Variants in CACNA1I observed in about 807,000 individuals in gnomAD.
CACNA1I encodes calcium voltage-gated channel subunit alpha1 I, also known as voltage-dependent T-type calcium channel subunit alpha-1I.
In CACNA1I, 74 loss-of-function variants were observed where a neutral mutation model predicts 201.6. The observed-to-expected ratio is 0.37, with a 90% CI of 0.30 to 0.45. The LOEUF (loss-of-function observed/expected upper bound fraction) is 0.45. CACNA1I is among the 20% of genes least tolerant of loss of function. CACNA1I has a pLI of 1.00. For synonymous variants in CACNA1I, 1,431 were observed against 1,345.2 expected (o/e 1.06, Z -1.40); for missense variants, 2,346 against 3,138.1 (o/e 0.75, Z 6.03).
intron 5 of CACNA1I, 66 bp from the exon 6 acceptor site, chr22:39,640,801 C>G: frequency 7.3e-7 from 1 of 1,368,116 alleles, no homozygotes; most frequent in African/African-American, 1.4e-5. Context: ...TGGCCTCTCC[C>G]TTCCTGATCC....
chr22:39,574,897 G>A (rs999249921), intron 1 of CACNA1I, among the ~76,000 whole-genome samples: 5 of 152,198 alleles, frequency 3.3e-5, no homozygotes, highest in Admixed American at 6.5e-5. Context: ...GTGCTGAGGG[G>A]CCCTGGCCCA....
chr22:39,641,152 C>T lies in CACNA1I; in HGVS notation c.1026C>T (p.Asn342=). The change falls in exon 6 of 37, where the codon AAC becomes AAT. Residue 342 remains asparagine (N), a synonymous_variant. Transcript: ENST00000402142. The stretch of plus-strand genomic sequence containing the variant: ...ACAAGGGTGCCATCAACTTTGACAA[C>T]ATCGGTTATGCTTGGATTGTCATCT... ...NPHKGAINFD[N]IGYAWIVIFQ... The T allele has an allele frequency of 6.2e-7, 1 of 1,613,758 alleles. No individual in the cohort carries two copies. The highest frequency in any genetic ancestry group is 1.1e-5 in the South Asian group (1 of 91,086).
chr22:39,633,070 A>C (rs1157492379), intron 4 of CACNA1I, among the ~76,000 whole-genome samples: 1 of 151,626 alleles, frequency 6.6e-6, no homozygotes, highest in Non-Finnish European at 1.5e-5. Context: ...TAAGCACCTC[A>C]GGCTCACCCC....
intron 26 of CACNA1I, among the ~76,000 whole-genome samples, chr22:39,671,779 T>G (rs1912624915): frequency 6.6e-6 from 1 of 152,216 alleles, no homozygotes; most frequent in African/African-American, 2.4e-5. Flanking sequence ...TATTAATAGC[T>G]TACATTTACC....
At position 39,677,540 on chromosome 22, in the gene CACNA1I, A is replaced by G; in HGVS notation, c.4933+121A>G. On this transcript the variant is annotated intron_variant, in intron 30 of 36. Coordinates refer to ENST00000402142, the MANE Select transcript of CACNA1I (RefSeq NM_021096.4). The surrounding 1 kb of genome is among the most constrained non-coding windows in gnomAD (Gnocchi z 4.8). ...ACATCAGGGTCTTTGTATTGGGGAG[A>G]TGCCTACAGCAGGGCCCTCAGCTGT... is the stretch of plus-strand genomic sequence containing the variant. 1 of 684,534 alleles carries G rather than the reference A, an allele frequency of 1.5e-6. No individual in the cohort carries two copies. Among genetic ancestry groups the G allele is most frequent in the Non-Finnish European group, 2.4e-6 (1 of 420,694 alleles). The allele number at this position is 684,534 out of a possible 1,614,324, so 42.4% of individuals were successfully genotyped here.
chr22:39,664,777 C>T lies in CACNA1I; in HGVS notation c.3705C>T (p.Tyr1235=), dbSNP rs781179088. 46 of 1,596,614 alleles carry T rather than the reference C, an allele frequency of 2.9e-5. No individual in the cohort carries two copies. The highest frequency in any genetic ancestry group is 3.5e-5 in the Non-Finnish European group (41 of 1,170,328). The change falls in exon 21 of 37, where the codon TAC becomes TAT. Residue 1235 remains tyrosine (Y), a synonymous_variant. Transcript: ENST00000402142. ...SLGLYFGEQA[Y]LRSSWNVLDG... is the part of the protein sequence containing the mutation. ...GCCTGTACTTCGGCGAGCAGGCGTA[C>T]CTACGCAGCAGCTGGAACGTGCTGG...
At chr22:39,650,305 TA>T (rs136831) in intron 10 of CACNA1I, among the ~76,000 whole-genome samples, 24,728 of 143,588 alleles carry the variant, frequency 0.17, 2,093 homozygotes, top group Middle Eastern at 0.26. Flanking sequence ...TTTTCTTCTT[TA>T]AAAAAAAAAA....
At chr22:39,595,832 C>T (rs1197947106) in intron 1 of CACNA1I, among the ~76,000 whole-genome samples, 1 of 151,900 alleles carries the variant, frequency 6.6e-6, no homozygotes, top group Non-Finnish European at 1.5e-5. Context: ...TGAACACCTA[C>T]TAGATGTTAG....
At chr22:39,640,206 T>G (rs1934317727) in intron 5 of CACNA1I, among the ~76,000 whole-genome samples, 1 of 152,108 alleles carries the variant, frequency 6.6e-6, no homozygotes. Context: ...CTGACCAATA[T>G]GGTGAAACCC....
chr22:39,665,753 G>A lies in CACNA1I; in HGVS notation c.3979-128G>A. On this transcript the variant is annotated intron_variant, in intron 22 of 36. Transcript: ENST00000402142. This position sits in a 1 kb window ranked among gnomAD's most constrained non-coding sequence, Gnocchi z 5.5. ...GCCAGCTGTGGGCTTCTCCTCCAGGGAGGGAGACAGACATGGGCCCAGATG... is the reference window on the plus strand; with the variant it reads ...GCCAGCTGTGGGCTTCTCCTCCAGGAAGGGAGACAGACATGGGCCCAGATG... The A allele has an allele frequency of 6.5e-7, 1 of 1,539,308 alleles. No homozygotes were observed. The highest frequency in any genetic ancestry group is 8.9e-7 in the Non-Finnish European group (1 of 1,125,396).
At chr22:39,664,599 G>A (rs1248233999) in intron 20 of CACNA1I, 140 bp from the exon 21 acceptor site, 1 of 562,362 alleles carries the variant, frequency 1.8e-6, no homozygotes, top group Non-Finnish European at 3.3e-6. Context: ...CTTCCCTTCG[G>A]CCCCGCCACT....
At chr22:39,607,955 T>C (rs575153181) in intron 3 of CACNA1I, among the ~76,000 whole-genome samples, 1 of 150,336 alleles carries the variant, frequency 6.7e-6, no homozygotes, top group East Asian at 1.9e-4. Flanking sequence ...CTGTCTCTAC[T>C]AAAAATACAA....
At chr22:39,626,398 C>T (rs1259576794) in intron 4 of CACNA1I, among the ~76,000 whole-genome samples, 5 of 152,144 alleles carry the variant, frequency 3.3e-5, no homozygotes, top group Admixed American at 3.3e-4. Flanking sequence ...GGGACGTCTT[C>T]TCAGGGGCTG....
At chr22:39,670,279 C>G (rs1392488633) in intron 25 of CACNA1I, 49 bp downstream of exon 25, 1 of 1,567,152 alleles carries the variant, frequency 6.4e-7, no homozygotes. Context: ...CTAAGCCCTT[C>G]TGCCTGGGCC....
In CACNA1I at chr22:39,662,142, C is replaced by T. The variant is rs1282648091; in HGVS notation, c.3079C>T (p.Pro1027Ser). Residue 1027 changes from proline to serine, a missense_variant, in exon 17 of 37, where the codon CCG (proline) becomes TCG (serine). By Grantham distance (74) the Pro-to-Ser change is moderately conservative. Coordinates refer to ENST00000402142, the MANE Select transcript of CACNA1I (RefSeq NM_021096.4). ...VCEVAADEGP[P>S]RAAPLHTPHA... ...CGAGGTTGCCGCGGACGAGGGGCCG[C>T]CGCGGGCCGCACCCCTGCACACCCC... is the stretch of plus-strand genomic sequence containing the variant. 2.6e-6 allele frequency: 4 copies of T among 1,525,830 alleles called. No homozygotes were observed. The highest frequency in any genetic ancestry group is 2.6e-6 in the Non-Finnish European group (3 of 1,140,470). The allele number at this position is 1,525,830 out of a possible 1,614,324, so 94.5% of individuals were successfully genotyped here.
In CACNA1I at chr22:39,659,352, T is replaced by C. The variant is rs1934924403; in HGVS notation, c.2331-81T>C. ...CGCCTCCCCCTGCCCTGCATTTTAC[T>C]GAGTTGACTGAGAATGAAACAAGGT... is the stretch of plus-strand genomic sequence containing the variant. On this transcript the variant is annotated intron_variant, in intron 12 of 36. Coordinates refer to ENST00000402142, the MANE Select transcript of CACNA1I (RefSeq NM_021096.4). This position sits in a 1 kb window ranked among gnomAD's most constrained non-coding sequence, Gnocchi z 4.3. 1.9e-6 allele frequency: 2 copies of C among 1,059,708 alleles called. No individual in the cohort carries two copies. The highest frequency in any genetic ancestry group is 2.8e-6 in the Non-Finnish European group (2 of 703,624). The allele number at this position is 1,059,708 out of a possible 1,614,324, so 65.6% of individuals were successfully genotyped here.
intron 1 of CACNA1I, among the ~76,000 whole-genome samples, chr22:39,581,472 G>A (rs1327344823): frequency 2.6e-5 from 4 of 152,160 alleles, no homozygotes; most frequent in South Asian, 2.1e-4. Context: ...CCCAGCAGCT[G>A]AGCCGGCCCT....
intron 1 of CACNA1I, among the ~76,000 whole-genome samples, chr22:39,589,547 G>A (rs756741034): frequency 5.3e-5 from 8 of 152,234 alleles, no homozygotes; most frequent in Admixed American, 2.6e-4. Context: ...CACACATCAC[G>A]GGTGGTCCTG....
At position 39,655,900 on chromosome 22, in the gene CACNA1I, C is replaced by T. The variant is rs1934801302; in HGVS notation, c.1993-2252C>T. ...CCTTTTGGATGGCAGTGGCTCCCTG[C>T]ATCCCTGGTAGGAGTGTGTGCGTGG... On this transcript the variant is annotated intron_variant, in intron 10 of 36. Transcript: ENST00000402142. Among the ~76,000 whole-genome samples, 3 of 152,242 alleles carry T rather than the reference C, an allele frequency of 2.0e-5. No homozygotes were observed. In the South Asian group the frequency reaches 6.2e-4, roughly 31 times the overall value.
Sources: gnomAD v4.1 joint callset for allele counts (sites outside exome capture counted in the v4.1 genomes callset) on GRCh38, gnomAD v4.1.1 for gene constraint, Gnocchi (gnomAD v3.1) non-coding constraint, MANE v1.5 for transcripts, NCBI Gene and HGNC (gene_info 2026-07-23, HGNC 2026-07-21) for gene names.